The following TBCK variants were observed in gnomAD, a reference collection of about 807,000 sequenced individuals.
The protein encoded by TBCK is TBC domain-containing protein kinase-like protein.
TBCK carries 99 observed loss-of-function variants against 113.4 expected under a neutral mutation model. The ratio of observed to expected loss-of-function variants is 0.87; its 90% confidence interval spans 0.74 to 1.03. TBCK has a LOEUF of 1.03. TBCK is among the 50% of genes least tolerant of loss of function. The pLI is 0.00. For synonymous variants in TBCK, 369 were observed against 370.8 expected, an observed-to-expected ratio of 1.00 and a Z score of 0.05; for missense variants, 1,045 against 1,061.3, an observed-to-expected ratio of 0.98 and a Z score of 0.21.
chr4:106,302,327 A>G (rs1480734238), intron 2 of TBCK, among the ~76,000 whole-genome samples: 1 of 152,184 alleles, frequency 6.6e-6, no homozygotes, highest in African/African-American at 2.4e-5. Flanking sequence ...AACAATCAGT[A>G]GAACGATTAC....
intron 22 of TBCK, among the ~76,000 whole-genome samples, chr4:106,176,608 T>A (rs1006777105): frequency 2.0e-5 from 3 of 152,052 alleles, no homozygotes; most frequent in Non-Finnish European, 4.4e-5. Context: ...TGATTCTGTA[T>A]GTTGGCTATT....
intron 23 of TBCK, among the ~76,000 whole-genome samples, chr4:106,170,166 A>ATCT (rs1238748662): frequency 6.6e-6 from 1 of 152,120 alleles, no homozygotes; most frequent in Non-Finnish European, 1.5e-5. Flanking sequence ...ACATGGAAAT[A>ATCT]TCTTCAGCTG....
chr4:106,237,144 GA>G (rs1759568890), intron 12 of TBCK, among the ~76,000 whole-genome samples: 1 of 151,950 alleles, frequency 6.6e-6, no homozygotes, highest in African/African-American at 2.4e-5. Flanking sequence ...TAAGTTATAT[GA>G]AGAAAGATGA....
chr4:106,172,601 G>GT (rs1751165921), intron 22 of TBCK, among the ~76,000 whole-genome samples: 1 of 152,126 alleles, frequency 6.6e-6, no homozygotes, highest in African/African-American at 2.4e-5. Flanking sequence ...TCAGAAAGTG[G>GT]TAAGTTCTTT....
At chr4:106,081,475 G>A (rs371521986) in intron 25 of TBCK, among the ~76,000 whole-genome samples, 9 of 152,262 alleles carry the variant, frequency 5.9e-5, no homozygotes, top group South Asian at 2.1e-4. Context: ...GGGAACACAC[G>A]GCCACATGGT....
chr4:106,233,095 C>G, intron 16 of TBCK, 31 bp from the exon 17 acceptor site: 1 of 1,592,326 alleles, frequency 6.3e-7, no homozygotes, highest in Non-Finnish European at 8.6e-7. Flanking sequence ...TAAGGTGAAA[C>G]AGTAATTGTG....
In TBCK at chr4:106,268,629, C is replaced by G. The variant is rs568288239; in HGVS notation, c.267-6417G>C. Among the ~76,000 whole-genome samples the G allele has an allele frequency of 3.9e-4, 60 of 152,120 alleles. No homozygotes were observed. In the South Asian group the frequency reaches 0.012, roughly 30 times the overall value. ...AAAAAAAATTCATTTGCTGAAAATA[C>G]AACTCTTCTAGTCTTTTATTTACTG... On this transcript the variant is annotated intron_variant, in intron 3 of 25. Coordinates refer to ENST00000394708, the MANE Select transcript of TBCK (RefSeq NM_001163435.3).
intron 3 of TBCK, among the ~76,000 whole-genome samples, chr4:106,276,081 G>A (rs1016844355): frequency 6.6e-6 from 1 of 152,048 alleles, no homozygotes; most frequent in African/African-American, 2.4e-5. Context: ...ATAGAGCAAT[G>A]AAATAATACA....
intron 2 of TBCK, among the ~76,000 whole-genome samples, chr4:106,295,516 A>C (rs1337133276): frequency 2.0e-5 from 3 of 152,200 alleles, no homozygotes; most frequent in Non-Finnish European, 4.4e-5. Flanking sequence ...AAGAATTTTG[A>C]AAGAAGGGAA....
At chr4:106,311,211 A>G (rs921593001) in intron 1 of TBCK, among the ~76,000 whole-genome samples, 1 of 146,410 alleles carries the variant, frequency 6.8e-6, no homozygotes, top group Non-Finnish European at 1.5e-5. Flanking sequence ...ACACACACAC[A>G]CACACACACA....
At chr4:106,190,772 ACT>A (rs1028275551) in intron 22 of TBCK, among the ~76,000 whole-genome samples, 2 of 151,730 alleles carry the variant, frequency 1.3e-5, no homozygotes, top group African/African-American at 4.8e-5. Context: ...ACAGAGTCTC[ACT>A]CTGTTGCCCA....
At chr4:106,254,320 G>C (rs1193421750) in intron 5 of TBCK, among the ~76,000 whole-genome samples, 1 of 152,192 alleles carries the variant, frequency 6.6e-6, no homozygotes, top group Admixed American at 6.5e-5. Flanking sequence ...TGCAACCCAA[G>C]TTTCAAGGCA....
At chr4:106,185,558 C>G (rs1752920932) in intron 22 of TBCK, among the ~76,000 whole-genome samples, 1 of 152,066 alleles carries the variant, frequency 6.6e-6, no homozygotes, top group Non-Finnish European at 1.5e-5. Context: ...TGGAATCATG[C>G]TGTATTTGTT....
chr4:106,189,283 C>T (rs1753385551), intron 22 of TBCK, among the ~76,000 whole-genome samples: 1 of 147,574 alleles, frequency 6.8e-6, no homozygotes, highest in African/African-American at 2.5e-5. Context: ...AACAGACATG[C>T]AGTGAGCCAA....
chr4:106,186,244 T>C (rs762750167), intron 22 of TBCK, among the ~76,000 whole-genome samples: 3 of 152,206 alleles, frequency 2.0e-5, no homozygotes, highest in Admixed American at 6.6e-5. Context: ...TTTGGGTATA[T>C]GCCTAGTAAT....
At chr4:106,237,554 T>C (rs1221448098) in intron 12 of TBCK, 5 of 455,336 alleles carry the variant, frequency 1.1e-5, no homozygotes, top group Non-Finnish European at 2.2e-5. Context: ...GGGATTGACA[T>C]AGAAATTCAA....
chr4:106,184,431 C>T (rs1174000611), intron 22 of TBCK, among the ~76,000 whole-genome samples: 1 of 151,900 alleles, frequency 6.6e-6, no homozygotes. Context: ...GAGTAATACC[C>T]TATGTATTAA....
chr4:106,197,740 A>G (rs1754430272), intron 20 of TBCK, among the ~76,000 whole-genome samples: 1 of 151,974 alleles, frequency 6.6e-6, no homozygotes, highest in Non-Finnish European at 1.5e-5. Flanking sequence ...GCACCCAATC[A>G]CACTCATGGT....
At chr4:106,264,505 C>T (rs996973789) in intron 3 of TBCK, among the ~76,000 whole-genome samples, 2 of 151,928 alleles carry the variant, frequency 1.3e-5, no homozygotes, top group South Asian at 2.1e-4. Flanking sequence ...AGTCAGAAGA[C>T]GTAAGGCCCT....
Sources: gnomAD v4.1 joint callset for allele counts (sites outside exome capture counted in the v4.1 genomes callset) on GRCh38, gnomAD v4.1.1 for gene constraint, MANE v1.5 for transcripts, NCBI Gene and HGNC (gene_info 2026-07-23, HGNC 2026-07-21) for gene names.